BPIFC: variants seen among roughly 807,000 people sequenced by gnomAD.
BPIFC encodes BPI fold containing family C, also known as BPI fold-containing family C protein.
A neutral mutation model predicts 57.6 loss-of-function variants in BPIFC; 60 were observed. The observed-to-expected ratio is 1.04, with a 90% CI of 0.85 to 1.29. The LOEUF is 1.29. Among genes scored for constraint, BPIFC ranks in the 50% most tolerant of loss-of-function variants. The pLI, the probability that BPIFC is intolerant of heterozygous loss-of-function variation, is 0.00. For synonymous variants in BPIFC, 243 were observed against 224.5 expected (o/e 1.08, Z -0.74); for missense variants, 581 against 600.5 (o/e 0.97, Z 0.34).
At position 32,461,640 on chromosome 22, in the gene BPIFC, C is replaced by G. The variant is rs1417744715; in HGVS notation, c.-67G>C. 10 of 985,402 alleles carry G rather than the reference C, an allele frequency of 1.0e-5. No individual in the cohort carries two copies. The highest frequency in any genetic ancestry group is 1.2e-5 in the Non-Finnish European group (10 of 830,056). The allele number at this position is 985,402 out of a possible 1,614,324, so 61.0% of individuals were successfully genotyped here. On this transcript the variant is annotated 5_prime_UTR_variant, in exon 2 of 17. Transcript: ENST00000300399. Reference sequence around the variant, plus strand: ...GGCCTTTCTTGATCCTTTAGTTGCCCTTGGAGGTTAGTCAAGGTGTCCTGG... The same window carrying G: ...GGCCTTTCTTGATCCTTTAGTTGCCGTTGGAGGTTAGTCAAGGTGTCCTGG...
chr22:32,426,648 T>C (rs1457779916), intron 13 of BPIFC, among the ~76,000 whole-genome samples: 3 of 152,070 alleles, frequency 2.0e-5, no homozygotes, highest in Non-Finnish European at 2.9e-5. Context: ...TCCCAGCACT[T>C]TGGGAGGCCG....
chr22:32,430,651 T>A (rs985893778), intron 13 of BPIFC, among the ~76,000 whole-genome samples: 5 of 150,720 alleles, frequency 3.3e-5, no homozygotes, highest in Non-Finnish European at 7.4e-5. Context: ...AGAGATATAT[T>A]TTTTTGAGAG....
Position 32,445,712 on chromosome 22 carries a change from T to TCAAA in BPIFC, c.531-15_531-14insTTTG. 3.0e-5 allele frequency: 5 copies of TCAAA among 169,416 alleles called. No individual in the cohort carries two copies. Among genetic ancestry groups the TCAAA allele is most frequent in the Non-Finnish European group, 4.1e-5 (5 of 123,378 alleles). 10.5% of individuals were successfully genotyped at this position (169,416 alleles called of 1,614,324 possible). On this transcript the variant is annotated splice_polypyrimidine_tract_variant and intron_variant, in intron 6 of 16. Transcript: ENST00000300399. The stretch of plus-strand genomic sequence containing the variant: ...TTATACAGAACACTGAGGAAAAAAA[T>TCAAA]GAAAAAAAAAAAAAAAAAAAAAAGA...
rs762548826 is a variant in BPIFC at position 32,453,396 on chromosome 22, A to G, written c.232T>C (p.Tyr78His). The G allele has an allele frequency of 1.3e-6, 2 of 1,587,430 alleles. No individual in the cohort carries two copies. The highest frequency in any genetic ancestry group is 1.9e-5 in the Admixed American group (1 of 52,984). Residue 78 changes from tyrosine (Y) to histidine (H), a missense_variant, in exon 4 of 17, where the codon TAC becomes CAC. Coordinates refer to ENST00000300399, the MANE Select transcript of BPIFC (RefSeq NM_174932.3). ...CTTTTTACTTACTTTGAAAAATTGT[A>G]GTTTACATAATCAACTTTTAGAAAT... is the stretch of plus-strand genomic sequence containing the variant. ...LEFLKVDYVNYNFSNIKISAF... is the reference protein window; with the variant it reads ...LEFLKVDYVNHNFSNIKISAF...
Position 32,431,382 on chromosome 22 carries a change from C to T in BPIFC, c.1182G>A (p.Leu394=), listed in dbSNP as rs779271062. 1 of 1,596,212 alleles carries T rather than the reference C, an allele frequency of 6.3e-7. No individual in the cohort carries two copies. The highest frequency in any genetic ancestry group is 1.1e-5 in the South Asian group (1 of 90,778). The change falls in exon 13 of 17, where the codon TTG becomes TTA. Residue 394 remains leucine (L), a synonymous_variant. Transcript: ENST00000300399. ...ACAAGGAGCAGACCAGTCTTTGTCC[C>T]AAAATAACCAGGCCAACACTGGTAC... The part of the protein sequence containing the change: ...VASTSVGLVI[L]GQRLVCSLSL...
intron 3 of BPIFC, among the ~76,000 whole-genome samples, chr22:32,454,477 A>G (rs1460930746): frequency 1.3e-5 from 2 of 152,206 alleles, no homozygotes; most frequent in African/African-American, 2.4e-5. Flanking sequence ...CAGCTTCTTT[A>G]TATGGAAGCA....
At chr22:32,416,956 G>T in intron 15 of BPIFC, 129 bp downstream of exon 15, 1 of 907,292 alleles carries the variant, frequency 1.1e-6, no homozygotes, top group Non-Finnish European at 1.9e-6. Context: ...ACGCTGGCCT[G>T]GATTCATGAT....
intron 7 of BPIFC, among the ~76,000 whole-genome samples, chr22:32,442,968 C>T (rs1934606394): frequency 6.6e-6 from 1 of 152,130 alleles, no homozygotes; most frequent in African/African-American, 2.4e-5. Context: ...ATCCAATCAG[C>T]CCTGTAAAGA....
Position 32,434,340 on chromosome 22 carries a change from A to AT in BPIFC, c.925-569dup, listed in dbSNP as rs1484111763. Among the ~76,000 whole-genome samples, 21 of 147,826 alleles carry AT rather than the reference A, an allele frequency of 1.4e-4. No individual in the cohort carries two copies. In the South Asian group the frequency reaches 3.9e-3, roughly 27 times the overall value. On this transcript the variant is annotated intron_variant, in intron 10 of 16. Transcript: ENST00000300399. ...ATTACACTCTGTGTACATATTCTTC[A>AT]TTTATATATATTACAATCTATGTGT...
At chr22:32,453,318 T>C (rs527327038) in intron 4 of BPIFC, 65 bp downstream of exon 4, 169 of 1,174,896 alleles carry the variant, frequency 1.4e-4, no homozygotes, top group Middle Eastern at 2.4e-4. Context: ...GGGGCTTCCA[T>C]AGAATTCCTC....
chr22:32,442,743 G>C lies in BPIFC; in HGVS notation c.595-12C>G, dbSNP rs1325944791. 4 of 1,612,442 alleles carry C rather than the reference G, an allele frequency of 2.5e-6. No individual in the cohort carries two copies. In the African/African-American group the frequency reaches 4.0e-5, roughly 16 times the overall value. ...ATAATGGGACAGAGCTGGCCACAAA[G>C]GAATAAAAAGAAAAAAGCAAGTTAC... On this transcript the variant is annotated splice_polypyrimidine_tract_variant and intron_variant, in intron 7 of 16. Coordinates refer to ENST00000300399, the MANE Select transcript of BPIFC (RefSeq NM_174932.3).
chr22:32,417,961 A>G (rs888361597), intron 14 of BPIFC, among the ~76,000 whole-genome samples: 2 of 152,084 alleles, frequency 1.3e-5, no homozygotes, highest in African/African-American at 4.8e-5. Flanking sequence ...GAAAATGGAC[A>G]ATGGGAATTC....
rs534866056 is a variant in BPIFC at position 32,417,353 on chromosome 22, T to A, written c.1261-205A>T. On this transcript the variant is annotated intron_variant, in intron 14 of 16. Transcript: ENST00000300399. ...ACTACACCTGGCTAAGTTAAAAAAATTTTTTTTAGGGACAGAGTCTCACTA... is the reference window on the plus strand; with the variant it reads ...ACTACACCTGGCTAAGTTAAAAAAAATTTTTTTAGGGACAGAGTCTCACTA... Among the ~76,000 whole-genome samples the A allele has an allele frequency of 1.2e-4, 18 of 151,858 alleles. No individual in the cohort carries two copies. The highest frequency in any genetic ancestry group is 7.8e-4 in the East Asian group (4 of 5,154).
Position 32,427,213 on chromosome 22 carries a change from T to C in BPIFC, c.1217+4134A>G, listed in dbSNP as rs560194593. Among the ~76,000 whole-genome samples the C allele has an allele frequency of 3.3e-5, 5 of 152,178 alleles. No homozygotes were observed. The South Asian group carries it at 1.0e-3, about 32-fold the overall frequency. ...GGCTTAAAACAGTTTTTTCTATTAC[T>C]CCCATAAATAAACATAACAGCCATT... On this transcript the variant is annotated intron_variant, in intron 13 of 16. Coordinates refer to ENST00000300399, the MANE Select transcript of BPIFC (RefSeq NM_174932.3).
At chr22:32,452,716 C>T (rs7289943) in intron 4 of BPIFC, among the ~76,000 whole-genome samples, 79,782 of 151,746 alleles carry the variant, frequency 0.53, 21,732 homozygotes, top group African/African-American at 0.63. Context: ...GAATGATCAC[C>T]CCAAAGGGTT....
chr22:32,422,798 G>A (rs1933886024), intron 13 of BPIFC, among the ~76,000 whole-genome samples: 1 of 152,126 alleles, frequency 6.6e-6, no homozygotes. Context: ...GCATGTGTAT[G>A]TGATATGGGG....
chr22:32,416,562 G>A (rs138461096), intron 15 of BPIFC, among the ~76,000 whole-genome samples: 26 of 152,244 alleles, frequency 1.7e-4, no homozygotes, highest in African/African-American at 5.8e-4. Context: ...TAGCCTACCC[G>A]ATGTATATTT....
chr22:32,447,252 C>T lies in BPIFC; in HGVS notation c.334G>A (p.Ala112Thr). Residue 112 changes from alanine to threonine, a missense_variant, in exon 5 of 17, where the codon GCC becomes ACC. Coordinates refer to ENST00000300399, the MANE Select transcript of BPIFC (RefSeq NM_174932.3). ...GIKALTNHGT[A>T]NISTDWGFES... ...AACCCCCAGTCTGTGCTGATGTTGG[C>T]AGTGCCATGGTTGGTTAGCGCTTTG... The T allele has an allele frequency of 6.2e-7, 1 of 1,613,976 alleles. No homozygotes were observed. Among genetic ancestry groups the T allele is most frequent in the African/African-American group, 1.3e-5 (1 of 75,040 alleles).
chr22:32,445,853 GA>G lies in BPIFC; in HGVS notation c.517del (p.Ser173ProfsTer20). 6.2e-7 allele frequency: 1 copy of G among 1,614,000 alleles called. No homozygotes were observed. The highest frequency in any genetic ancestry group is 8.5e-7 in the Non-Finnish European group (1 of 1,180,002). On this transcript the variant is annotated frameshift_variant, in exon 6 of 17. Coordinates refer to ENST00000300399, the MANE Select transcript of BPIFC (RefSeq NM_174932.3). LOFTEE classifies it high-confidence loss of function. The stretch of plus-strand genomic sequence containing the variant: ...GGCTCTCATTCACCTGAGTTCTCCG[GA>G]AAATGAGACGTGGGCATGGCTCAGT... ...AQLSHAHVSF[S>X]GELSVLYNSF...
Sources: allele counts gnomAD v4.1 joint callset (sites outside exome capture counted in the v4.1 genomes callset), GRCh38; gene constraint gnomAD v4.1.1; transcripts MANE v1.5; gene names NCBI Gene and HGNC (gene_info 2026-07-23, HGNC 2026-07-21).